CDKAL1: variants seen among roughly 807,000 people sequenced by gnomAD.
CDKAL1 encodes the protein threonylcarbamoyladenosine tRNA methylthiotransferase.
A neutral mutation model predicts 68.2 loss-of-function variants in CDKAL1; 32 were observed. The ratio of observed to expected loss-of-function variants is 0.47; its 90% CI spans 0.35 to 0.63. The LOEUF (loss-of-function observed/expected upper bound fraction) is 0.63, where lower values mean the gene tolerates loss of function less well. Among genes scored for constraint, CDKAL1 ranks in the 30% least tolerant of loss-of-function variants. The pLI is 0.00. For missense variants in CDKAL1, 606 were observed against 696.7 expected (o/e 0.87, Z 1.47); for synonymous variants, 234 against 244.3 (o/e 0.96, Z 0.39).
At position 21,160,656 on chromosome 6, in the gene CDKAL1, CGTGTGT is replaced by C. The variant is rs1554189725; in HGVS notation, c.1300-37348_1300-37343del. On this transcript the variant is annotated intron_variant, in intron 13 of 15. Coordinates refer to ENST00000274695, the MANE Select transcript of CDKAL1 (RefSeq NM_017774.3). ...ACACAGACACACACACACACACACA[CGTGTGT>C]GTGTGTGTGTGTGTGTCTGTGTCCA... Among the ~76,000 whole-genome samples, 9 of 128,000 alleles carry C rather than the reference CGTGTGT, an allele frequency of 7.0e-5. No homozygotes were observed. The East Asian group carries it at 1.4e-3, about 20-fold the overall frequency. The allele number at this position is 128,000 out of a possible 152,430, so 84.0% of individuals were successfully genotyped here.
intron 4 of CDKAL1, among the ~76,000 whole-genome samples, chr6:20,618,490 T>C (rs1767029335): frequency 1.3e-5 from 2 of 152,206 alleles, no homozygotes; most frequent in South Asian, 4.1e-4. Flanking sequence ...TCCTTGCCCA[T>C]GCCTATGTCC....
At chr6:21,079,400 C>A (rs4310041) in intron 12 of CDKAL1, among the ~76,000 whole-genome samples, 137,711 of 152,244 alleles carry the variant, frequency 0.9, 62,416 homozygotes, top group East Asian at 0.99. Context: ...CATTGAGAAG[C>A]TACTGCAAGA....
chr6:21,090,246 T>C (rs1446236995), intron 12 of CDKAL1, among the ~76,000 whole-genome samples: 1 of 152,232 alleles, frequency 6.6e-6, no homozygotes, highest in Non-Finnish European at 1.5e-5. Flanking sequence ...GAGTGATTAC[T>C]ATATGCAGAC....
At chr6:20,931,563 T>A (rs547666084) in intron 9 of CDKAL1, among the ~76,000 whole-genome samples, 1 of 152,320 alleles carries the variant, frequency 6.6e-6, no homozygotes, top group South Asian at 2.1e-4. Flanking sequence ...GTGGTGGCAT[T>A]TGTCTCCGTG....
chr6:20,637,870 T>C (rs546206861), intron 4 of CDKAL1, among the ~76,000 whole-genome samples: 1 of 152,312 alleles, frequency 6.6e-6, no homozygotes, highest in African/African-American at 2.4e-5. Flanking sequence ...GATAGCCTAC[T>C]GTATATATTT....
intron 5 of CDKAL1, among the ~76,000 whole-genome samples, chr6:20,727,346 A>G (rs545637789): frequency 6.6e-6 from 1 of 152,330 alleles, no homozygotes; most frequent in African/African-American, 2.4e-5. Flanking sequence ...AAACATACAT[A>G]TAACTACATA....
chr6:21,028,329 T>C (rs1769078216), intron 11 of CDKAL1, among the ~76,000 whole-genome samples: 1 of 152,204 alleles, frequency 6.6e-6, no homozygotes, highest in Admixed American at 6.5e-5. Flanking sequence ...ATTCAGCTAG[T>C]GTATTTATTA....
intron 15 of CDKAL1, among the ~76,000 whole-genome samples, chr6:21,210,156 C>T (rs920735168): frequency 5.9e-5 from 9 of 152,262 alleles, no homozygotes; most frequent in African/African-American, 1.9e-4. Context: ...GTTGAGCCAG[C>T]GCTGTGTCAA....
chr6:20,667,013 C>G (rs548685400), intron 5 of CDKAL1, among the ~76,000 whole-genome samples: 41 of 152,132 alleles, frequency 2.7e-4, no homozygotes, highest in African/African-American at 9.6e-4. Context: ...TCTATGTTCT[C>G]TGGCCACTGT....
chr6:20,605,395 T>A (rs1359611946), intron 4 of CDKAL1, among the ~76,000 whole-genome samples: 1 of 152,218 alleles, frequency 6.6e-6, no homozygotes, highest in Non-Finnish European at 1.5e-5. Context: ...GGTACACTAA[T>A]AATGGTTATA....
intron 8 of CDKAL1, among the ~76,000 whole-genome samples, chr6:20,783,619 C>T (rs1482904246): frequency 1.3e-5 from 2 of 152,142 alleles, no homozygotes; most frequent in Non-Finnish European, 2.9e-5. Flanking sequence ...GTGCTCATTT[C>T]TTGGGATGTC....
At position 21,160,971 on chromosome 6, in the gene CDKAL1, G is replaced by A. The variant is rs560379866; in HGVS notation, c.1300-37050G>A. 1.4e-3 allele frequency among the ~76,000 whole-genome samples: 208 copies of A among 149,102 alleles called. 1 individual carries two copies. Among genetic ancestry groups the A allele is most frequent in the Non-Finnish European group, 2.6e-3 (173 of 67,286 alleles). On this transcript the variant is annotated intron_variant, in intron 13 of 15. Coordinates refer to ENST00000274695, the MANE Select transcript of CDKAL1 (RefSeq NM_017774.3). ...TAATCCAGTCAAGAGAATAGATCCT[G>A]GAAGATTAGAAAATGCAAATTAAGA...
chr6:20,756,877 T>C (rs1429611378), intron 6 of CDKAL1: 12 of 75,848 alleles, frequency 1.6e-4, no homozygotes, highest in South Asian at 1.3e-3. Flanking sequence ...CCTTCCTTCC[T>C]TCCTTCCTTC....
chr6:20,752,935 G>A (rs764114051), intron 6 of CDKAL1, among the ~76,000 whole-genome samples: 11 of 151,864 alleles, frequency 7.2e-5, no homozygotes, highest in Admixed American at 3.3e-4. Context: ...TCAGTTTTTC[G>A]TTGACTTTCA....
At chr6:20,816,797 G>A (rs1001265095) in intron 8 of CDKAL1, among the ~76,000 whole-genome samples, 1 of 151,942 alleles carries the variant, frequency 6.6e-6, no homozygotes, top group African/African-American at 2.4e-5. Context: ...AACATATCTG[G>A]TCATTTTTCT....
Position 20,613,249 on chromosome 6 carries a change from CTTTTTTTTTTTTTTTTTTTTTTTT to C in CDKAL1, c.287-36024_287-36001del, listed in dbSNP as rs71559677. On this transcript the variant is annotated intron_variant, in intron 4 of 15. Coordinates refer to ENST00000274695, the MANE Select transcript of CDKAL1 (RefSeq NM_017774.3). Reference sequence around the variant, plus strand: ...TATCAGTTCATCACAAAATTTCTTTCTTTTTTTTTTTTTTTTTTTTTTTTTTTTTTTTTTTTTTTTTTTGAGACG... The same window carrying C: ...TATCAGTTCATCACAAAATTTCTTTCTTTTTTTTTTTTTTTTTTTGAGACG... 3.8e-3 allele frequency among the ~76,000 whole-genome samples: 296 copies of C among 77,854 alleles called. 1 individual carries two copies. Among genetic ancestry groups the C allele is most frequent in the Middle Eastern group, 0.015 (2 of 134 alleles). The allele number at this position is 77,854 out of a possible 152,430, so 51.1% of individuals were successfully genotyped here. A position where few individuals can be genotyped will look rare whatever the true frequency, so the allele number is the denominator to read the frequency against.
At chr6:20,818,008 C>A (rs1581638294) in intron 8 of CDKAL1, among the ~76,000 whole-genome samples, 2 of 152,108 alleles carry the variant, frequency 1.3e-5, no homozygotes, top group Non-Finnish European at 2.9e-5. Flanking sequence ...CTCTGACCCC[C>A]ATCAGTCCTC....
At chr6:20,821,120 G>A (rs552137366) in intron 8 of CDKAL1, among the ~76,000 whole-genome samples, 104 of 152,120 alleles carry the variant, frequency 6.8e-4, no homozygotes, top group African/African-American at 2.2e-3. Context: ...GAGGGAGAGC[G>A]GTAGGAAATG....
intron 12 of CDKAL1, among the ~76,000 whole-genome samples, chr6:21,070,843 T>C (rs1771732714): frequency 6.6e-6 from 1 of 152,192 alleles, no homozygotes; most frequent in South Asian, 2.1e-4. Flanking sequence ...CCACAGAAAT[T>C]GTAGTCCCTG....
Sources: allele counts gnomAD v4.1 joint callset (sites outside exome capture counted in the v4.1 genomes callset), GRCh38; gene constraint gnomAD v4.1.1; transcripts MANE v1.5; gene names NCBI Gene and HGNC (gene_info 2026-07-23, HGNC 2026-07-21).